The following DNAH14 variants were observed in gnomAD, a reference collection of about 807,000 sequenced individuals.
DNAH14 encodes axonemal beta dynein heavy chain 14.
In DNAH14, 478 loss-of-function variants were observed where a neutral mutation model predicts 520.9. That is an observed-to-expected ratio of 0.92 (90% CI 0.85 to 0.99). DNAH14 has a LOEUF of 0.99. DNAH14 is among the 50% of genes least tolerant of loss of function. The probability of loss-of-function intolerance (pLI) is 0.00; values close to 1 mark genes in which losing one functional copy is unlikely to be tolerated. For synonymous variants in DNAH14, 1,581 were observed against 1,757.2 expected (o/e 0.90, Z 2.51); for missense variants, 4,831 against 5,234.5 (o/e 0.92, Z 2.38).
intron 71 of DNAH14, among the ~76,000 whole-genome samples, chr1:225,349,379 A>G (rs1432487033): frequency 6.6e-6 from 1 of 152,232 alleles, no homozygotes; most frequent in Non-Finnish European, 1.5e-5. Flanking sequence ...GAAAAAGGCA[A>G]TAAAAGAGGA....
chr1:225,264,456 G>T (rs2093044508), intron 47 of DNAH14, among the ~76,000 whole-genome samples, 195 bp downstream of exon 47: 1 of 152,060 alleles, frequency 6.6e-6, no homozygotes, highest in African/African-American at 2.4e-5. Flanking sequence ...TCTGGTAGAG[G>T]AGTATTACAT....
At chr1:225,082,168 T>TGAG (rs2148588984) in intron 19 of DNAH14, among the ~76,000 whole-genome samples, 1 of 33,462 alleles carries the variant, frequency 3.0e-5, no homozygotes, top group African/African-American at 9.2e-5. Flanking sequence ...TCTGAATGTT[T>TGAG]GTGGTGTGTG....
intron 1 of DNAH14, among the ~76,000 whole-genome samples, chr1:224,942,802 A>T (rs2059515192): frequency 6.6e-6 from 1 of 152,216 alleles, no homozygotes; most frequent in Non-Finnish European, 1.5e-5. Context: ...ATGCTGGATT[A>T]CATTTATTGA....
chr1:225,073,128 TG>T (rs2071753008), intron 17 of DNAH14, among the ~76,000 whole-genome samples: 2 of 152,116 alleles, frequency 1.3e-5, no homozygotes, highest in South Asian at 4.2e-4. Flanking sequence ...ACACCAGTGG[TG>T]GTAGCCAGAG....
At chr1:225,190,083 A>G (rs1328511662) in intron 37 of DNAH14, among the ~76,000 whole-genome samples, 2 of 151,990 alleles carry the variant, frequency 1.3e-5, no homozygotes, top group Non-Finnish European at 2.9e-5. Context: ...TGGGGAATAC[A>G]TTCCATGACC....
At chr1:225,034,571 G>T (rs1041468789) in intron 11 of DNAH14, among the ~76,000 whole-genome samples, 1 of 148,484 alleles carries the variant, frequency 6.7e-6, no homozygotes, top group Non-Finnish European at 1.5e-5. Flanking sequence ...TTGGTATCAA[G>T]ATGATGCTGG....
At chr1:224,975,639 T>A (rs1233700911) in intron 8 of DNAH14, among the ~76,000 whole-genome samples, 3 of 150,830 alleles carry the variant, frequency 2.0e-5, no homozygotes, top group African/African-American at 2.4e-5. Flanking sequence ...TAGTCTTGCT[T>A]GCGGTCTTTC....
At chr1:224,938,962 T>C (rs997197668) in intron 1 of DNAH14, among the ~76,000 whole-genome samples, 21 of 151,910 alleles carry the variant, frequency 1.4e-4, no homozygotes, top group African/African-American at 5.1e-4. Flanking sequence ...TTCTCACTCA[T>C]ATGTGGGAGC....
intron 8 of DNAH14, among the ~76,000 whole-genome samples, chr1:225,001,743 G>A (rs191775178): frequency 6.6e-6 from 1 of 152,098 alleles, no homozygotes; most frequent in African/African-American, 2.4e-5. Flanking sequence ...TCACCATCTT[G>A]TTAATAAGTA....
chr1:225,065,421 A>G (rs1251407933), intron 17 of DNAH14, among the ~76,000 whole-genome samples: 3 of 151,462 alleles, frequency 2.0e-5, no homozygotes, highest in African/African-American at 7.3e-5. Flanking sequence ...TATATTCACC[A>G]TGCTGTGCAA....
chr1:225,022,259 A>G (rs1388453584), intron 10 of DNAH14, among the ~76,000 whole-genome samples: 4 of 152,222 alleles, frequency 2.6e-5, no homozygotes, highest in Non-Finnish European at 4.4e-5. Context: ...GTGGGACCTA[A>G]TGAAACTAAA....
intron 8 of DNAH14, among the ~76,000 whole-genome samples, chr1:224,985,942 G>T (rs928350743): frequency 6.6e-6 from 1 of 151,812 alleles, no homozygotes; most frequent in Non-Finnish European, 1.5e-5. Context: ...AAGAGTTATT[G>T]GCCTTAAAAA....
intron 8 of DNAH14, among the ~76,000 whole-genome samples, chr1:224,992,030 C>A (rs1350141825): frequency 6.6e-6 from 1 of 152,120 alleles, no homozygotes; most frequent in East Asian, 1.9e-4. Flanking sequence ...ACAACTTTGT[C>A]AAAAATCAGT....
At chr1:225,282,368 T>A (rs2093645541) in intron 54 of DNAH14, among the ~76,000 whole-genome samples, 1 of 152,194 alleles carries the variant, frequency 6.6e-6, no homozygotes, top group African/African-American at 2.4e-5. Flanking sequence ...TTTAAGGGAA[T>A]CTTTAGCTTC....
At chr1:225,228,930 G>A (rs954504175) in intron 41 of DNAH14, among the ~76,000 whole-genome samples, 10 of 152,174 alleles carry the variant, frequency 6.6e-5, no homozygotes, top group Non-Finnish European at 1.2e-4. Flanking sequence ...GGCAAAGGGC[G>A]TAGATACAAA....
chr1:225,044,597 T>G (rs1178068082), intron 15 of DNAH14, among the ~76,000 whole-genome samples: 1 of 152,162 alleles, frequency 6.6e-6, no homozygotes, highest in African/African-American at 2.4e-5. Flanking sequence ...TCACTATGCT[T>G]TGTAACTACC....
chr1:224,975,185 C>T (rs1242763201), intron 8 of DNAH14, among the ~76,000 whole-genome samples: 1 of 151,634 alleles, frequency 6.6e-6, no homozygotes, highest in Non-Finnish European at 1.5e-5. Flanking sequence ...GTCTGAAATT[C>T]TCTTTTTTTG....
At chr1:225,378,021 C>A (rs1198493079) in intron 79 of DNAH14, among the ~76,000 whole-genome samples, 1 of 151,976 alleles carries the variant, frequency 6.6e-6, no homozygotes, top group African/African-American at 2.4e-5. Context: ...AGATTTCAAC[C>A]TAAAATCATA....
At chr1:224,999,351 C>A (rs534436545) in intron 8 of DNAH14, among the ~76,000 whole-genome samples, 4 of 151,934 alleles carry the variant, frequency 2.6e-5, no homozygotes, top group Admixed American at 6.6e-5. Context: ...GGATTACAGG[C>A]GCACACCACC....
Sources: allele counts gnomAD v4.1 joint callset (sites outside exome capture counted in the v4.1 genomes callset), GRCh38; gene constraint gnomAD v4.1.1; transcripts MANE v1.5; gene names NCBI Gene and HGNC (gene_info 2026-07-23, HGNC 2026-07-21).